Variants in OTX2 observed in about 807,000 individuals in gnomAD.
OTX2 encodes orthodenticle homeobox 2.
Under a neutral mutation model 29.0 loss-of-function variants are expected in OTX2, and 4 were observed. The ratio of observed to expected loss-of-function variants is 0.14; its 90% CI spans 0.07 to 0.32. The LOEUF is 0.32. Among genes scored for constraint, OTX2 ranks in the 10% least tolerant of loss-of-function variants. The pLI, the probability that OTX2 is intolerant of heterozygous loss-of-function variation, is 1.00. For synonymous variants in OTX2, 134 were observed against 141.0 expected (o/e 0.95, Z 0.35); for missense variants, 298 against 365.9 (o/e 0.81, Z 1.51).
rs1331775492 is a variant in OTX2, at chr14:56,801,364, A to G, written c.*371T>C. 3.1e-6 allele frequency: 1 copy of G among 318,036 alleles called. No individual in the cohort carries two copies. The highest frequency in any genetic ancestry group is 4.5e-5 in the Admixed American group (1 of 22,282). 19.7% of individuals were successfully genotyped at this position (318,036 alleles called of 1,614,324 possible). ...AAGATTCAACCAAGGATTGGCTAAA[A>G]CAATGGAACACCTCTGCTTAAGAAG... is the stretch of plus-strand genomic sequence containing the variant. On this transcript the variant is annotated 3_prime_UTR_variant, in exon 5 of 5. Transcript: ENST00000672264. This position sits in a 1 kb window ranked among gnomAD's most constrained non-coding sequence, Gnocchi z 4.2.
intron 2 of OTX2, among the ~76,000 whole-genome samples, chr14:56,806,185 C>T (rs1307538379): frequency 6.6e-6 from 1 of 152,172 alleles, no homozygotes; most frequent in African/African-American, 2.4e-5. Context: ...TACCAACTCA[C>T]TAAACCACAA....
rs1219049095 is a variant in OTX2 at position 56,801,744 on chromosome 14, C to A, written c.885G>T (p.Gln295His). ...GAGGTTCTACAGGTCTTCACAAAAC[C>A]TGGAATTTCCACGAGGATGTCTGAT... The part of the protein sequence containing the change: ...YKDQTSSWKF[Q>H]VL Residue 295 changes from glutamine to histidine, a missense_variant, in exon 5 of 5, where the codon CAG (glutamine) becomes CAT (histidine). Coordinates refer to ENST00000672264, the MANE Select transcript of OTX2 (RefSeq NM_021728.4). This position sits in a 1 kb window ranked among gnomAD's most constrained non-coding sequence, Gnocchi z 4.2. The A allele has an allele frequency of 1.2e-6, 2 of 1,613,992 alleles. No homozygotes were observed. The highest frequency in any genetic ancestry group is 2.2e-5 in the East Asian group (1 of 44,862).
At position 56,804,449 on chromosome 14, in the gene OTX2, C is replaced by G; in HGVS notation, c.98-86G>C. On this transcript the variant is annotated intron_variant, in intron 3 of 4. Transcript: ENST00000672264. The surrounding 1 kb of genome is among the most constrained non-coding windows in gnomAD (Gnocchi z 4.1). The stretch of plus-strand genomic sequence containing the variant: ...TGCCCTCCACCCCGCAGCAGTCCCC[C>G]GTTCCTCACAGCCCTTCAGCCGGGA... 7.8e-7 allele frequency: 1 copy of G among 1,289,532 alleles called. No homozygotes were observed. The highest frequency in any genetic ancestry group is 1.4e-5 in the South Asian group (1 of 69,664). 79.9% of individuals were successfully genotyped at this position (1,289,532 alleles called of 1,614,324 possible). A position where few individuals can be genotyped will look rare whatever the true frequency, so the allele number is the denominator to read the frequency against.
chr14:56,803,476 G>A (rs530160342), intron 4 of OTX2, among the ~76,000 whole-genome samples: 5 of 152,310 alleles, frequency 3.3e-5, no homozygotes, highest in South Asian at 2.1e-4. Flanking sequence ...TATTCTAGCC[G>A]AAGGAGAGGC....
rs889592710 is a variant in OTX2, at chr14:56,801,713, C to A, written c.*22G>T. On this transcript the variant is annotated 3_prime_UTR_variant, in exon 5 of 5. Coordinates refer to ENST00000672264, the MANE Select transcript of OTX2 (RefSeq NM_021728.4). The surrounding 1 kb of genome is among the most constrained non-coding windows in gnomAD (Gnocchi z 4.2). ...GCCCAGTATATTTAAAAATCACCCA[C>A]AAAAAGAGGTTCTACAGGTCTTCAC... 2.2e-5 allele frequency: 36 copies of A among 1,612,384 alleles called. No individual in the cohort carries two copies. Among genetic ancestry groups the A allele is most frequent in the Non-Finnish European group, 3.1e-5 (36 of 1,179,586 alleles).
At chr14:56,807,652 G>C (rs901172604) in intron 2 of OTX2, among the ~76,000 whole-genome samples, 11 of 152,132 alleles carry the variant, frequency 7.2e-5, no homozygotes, top group Admixed American at 6.6e-4. Flanking sequence ...TTTGCTCCTG[G>C]ATCCACCTTT....
chr14:56,804,369 G>A lies in OTX2; in HGVS notation c.98-6C>T, dbSNP rs887036569. 4 of 1,611,918 alleles carry A rather than the reference G, an allele frequency of 2.5e-6. No individual in the cohort carries two copies. The African/African-American group carries it at 5.3e-5, about 22-fold the overall frequency. On this transcript the variant is annotated splice_region_variant and splice_polypyrimidine_tract_variant and intron_variant, in intron 3 of 4. Transcript: ENST00000672264. This position sits in a 1 kb window ranked among gnomAD's most constrained non-coding sequence, Gnocchi z 4.1. Reference sequence around the variant, plus strand: ...GGGACAAGAAGCCCAGGGCCCTTTAGGGTGGGGGAGCAGTTTCTCAGTCAT... The same window carrying A: ...GGGACAAGAAGCCCAGGGCCCTTTAAGGTGGGGGAGCAGTTTCTCAGTCAT...
In OTX2 at chr14:56,800,185, A is replaced by C. The variant is rs890588497; in HGVS notation, c.*1550T>G. ...AACTACTGAAATTATAGGTTTTAAA[A>C]CTTTTCTGAAACTCTTTTGTTCAGG... is the stretch of plus-strand genomic sequence containing the variant. On this transcript the variant is annotated 3_prime_UTR_variant, in exon 5 of 5. Transcript: ENST00000672264. 2 of 152,062 alleles carry C rather than the reference A, an allele frequency of 1.3e-5. No homozygotes were observed. The highest frequency in any genetic ancestry group is 2.9e-5 in the Non-Finnish European group (2 of 68,012). 9.4% of individuals were successfully genotyped at this position (152,062 alleles called of 1,614,324 possible).
rs34997333 is a variant in OTX2, at chr14:56,800,283, T to TAA, written c.*1450_*1451dup. 1 of 150,582 alleles carries TAA rather than the reference T, an allele frequency of 6.6e-6. No homozygotes were observed. The highest frequency in any genetic ancestry group is 1.5e-5 in the Non-Finnish European group (1 of 67,658). The allele number at this position is 150,582 out of a possible 1,614,324, so 9.3% of individuals were successfully genotyped here. ...CATGTTTACCTCAGTTTTTGGAAGTTAAAAAAAAAAAATCCCCTTAATCAA... is the reference window on the plus strand; with the variant it reads ...CATGTTTACCTCAGTTTTTGGAAGTTAAAAAAAAAAAAAATCCCCTTAATCAA... On this transcript the variant is annotated 3_prime_UTR_variant, in exon 5 of 5. Transcript: ENST00000672264.
Position 56,801,683 on chromosome 14 carries a change from G to A in OTX2, c.*52C>T. On this transcript the variant is annotated 3_prime_UTR_variant, in exon 5 of 5. Transcript: ENST00000672264. This position sits in a 1 kb window ranked among gnomAD's most constrained non-coding sequence, Gnocchi z 4.2. ...ACCAATGCCTGGCTAAAACTGGAATGTCCAGCCCAGTATATTTAAAAATCA... is the reference window on the plus strand; with the variant it reads ...ACCAATGCCTGGCTAAAACTGGAATATCCAGCCCAGTATATTTAAAAATCA... 3.8e-6 allele frequency: 6 copies of A among 1,590,578 alleles called. No individual in the cohort carries two copies. The highest frequency in any genetic ancestry group is 5.2e-6 in the Non-Finnish European group (6 of 1,160,622).
At chr14:56,808,370 G>C (rs1892162050) in intron 2 of OTX2, among the ~76,000 whole-genome samples, 1 of 152,152 alleles carries the variant, frequency 6.6e-6, no homozygotes. Context: ...GGAAGACGAC[G>C]AAGAGGAGGA....
At position 56,800,090 on chromosome 14, in the gene OTX2, G is replaced by A. The variant is rs1258573939; in HGVS notation, c.*1645C>T. ...ACAAAATGCAGGTACAACTGAAAAG[G>A]GACCCATTTTTTCCCCCTCGGCACT... On this transcript the variant is annotated 3_prime_UTR_variant, in exon 5 of 5. Coordinates refer to ENST00000672264, the MANE Select transcript of OTX2 (RefSeq NM_021728.4). The A allele has an allele frequency of 6.6e-6, 1 of 152,040 alleles. No homozygotes were observed. The highest frequency in any genetic ancestry group is 1.5e-5 in the Non-Finnish European group (1 of 68,008). The allele number at this position is 152,040 out of a possible 1,614,324, so 9.4% of individuals were successfully genotyped here.
In OTX2 at chr14:56,800,841, G is replaced by A. The variant is rs1891849270; in HGVS notation, c.*894C>T. The A allele has an allele frequency of 6.6e-6, 1 of 152,574 alleles. No individual in the cohort carries two copies. The highest frequency in any genetic ancestry group is 2.4e-5 in the African/African-American group (1 of 41,418). 9.5% of individuals were successfully genotyped at this position (152,574 alleles called of 1,614,324 possible). ...GATCTCAGTTTAATAATTCATCAGG[G>A]TCAGAGCAATTGACCAATGTCTCTT... On this transcript the variant is annotated 3_prime_UTR_variant, in exon 5 of 5. Transcript: ENST00000672264.
Position 56,801,982 on chromosome 14 carries a change from A to G in OTX2, c.647T>C (p.Met216Thr). The G allele has an allele frequency of 1.2e-6, 2 of 1,614,172 alleles. No individual in the cohort carries two copies. The highest frequency in any genetic ancestry group is 1.1e-5 in the South Asian group (1 of 91,076). Reference protein sequence around the residue: ...GMDCGSYLTPMHHQLPGPGAT... With the variant: ...GMDCGSYLTPTHHQLPGPGAT... ...CCCTGGTCCGGGAAGCTGGTGATGC[A>G]TAGGGGTCAAATATGATCCACAGTC... Residue 216 changes from methionine (M) to threonine (T), a missense_variant, in exon 5 of 5, where the codon ATG (methionine) becomes ACG (threonine). By Grantham distance (81) the Met-to-Thr change is moderately conservative (BLOSUM62 -1). Transcript: ENST00000672264. The surrounding 1 kb of genome is among the most constrained non-coding windows in gnomAD (Gnocchi z 4.2).
Position 56,802,152 on chromosome 14 carries a change from G to T in OTX2, c.477C>A (p.Ile159=), listed in dbSNP as rs373798705. Reference sequence around the variant, plus strand: ...GTGGGGAGATGGAAGCTGGGCTCCAGATAGACACAGGAGCACTGCTGCTGG... The same window carrying T: ...GTGGGGAGATGGAAGCTGGGCTCCATATAGACACAGGAGCACTGCTGCTGG... The part of the protein sequence containing the change: ...TIASSSAPVS[I]WSPASISPLS... Residue 159 remains isoleucine (I), a synonymous_variant, in exon 5 of 5, where the codon ATC becomes ATA. Coordinates refer to ENST00000672264, the MANE Select transcript of OTX2 (RefSeq NM_021728.4). This position sits in a 1 kb window ranked among gnomAD's most constrained non-coding sequence, Gnocchi z 4.4. The T allele has an allele frequency of 1.4e-5, 22 of 1,614,018 alleles. No individual in the cohort carries two copies. The African/African-American group carries it at 2.5e-4, about 19-fold the overall frequency.
rs1892028238 is a variant in OTX2, at chr14:56,804,963, A to G, written c.97+397T>C. On this transcript the variant is annotated intron_variant, in intron 3 of 4. Coordinates refer to ENST00000672264, the MANE Select transcript of OTX2 (RefSeq NM_021728.4). The surrounding 1 kb of genome is among the most constrained non-coding windows in gnomAD (Gnocchi z 4.1). ...ACAACTGCGAAGCCCGAGAGTGCTAAGGACTTACGGAGGGAAAACTCAGCT... is the reference window on the plus strand; with the variant it reads ...ACAACTGCGAAGCCCGAGAGTGCTAGGGACTTACGGAGGGAAAACTCAGCT... Among the ~76,000 whole-genome samples the G allele has an allele frequency of 6.6e-6, 1 of 152,188 alleles. No homozygotes were observed. Among genetic ancestry groups the G allele is most frequent in the Non-Finnish European group, 1.5e-5 (1 of 68,044 alleles).
chr14:56,806,061 A>T (rs1892080952), intron 2 of OTX2, among the ~76,000 whole-genome samples: 1 of 152,166 alleles, frequency 6.6e-6, no homozygotes, highest in Admixed American at 6.5e-5. Context: ...CAATTCAAGA[A>T]ATCTACCTCT....
Position 56,802,028 on chromosome 14 carries a change from T to A in OTX2, c.601A>T (p.Thr201Ser), listed in dbSNP as rs748910557. The A allele has an allele frequency of 6.2e-7, 1 of 1,614,126 alleles. No homozygotes were observed. Among genetic ancestry groups the A allele is most frequent in the East Asian group, 2.2e-5 (1 of 44,876 alleles). ...SGYSQGYAGS[T>S]SYFGGMDCGS... is the part of the protein sequence containing the mutation. ...CAGTCCATGCCCCCAAAGTAGGAAGTTGAGCCAGCATATCCTTGACTATAA... is the reference window on the plus strand; with the variant it reads ...CAGTCCATGCCCCCAAAGTAGGAAGATGAGCCAGCATATCCTTGACTATAA... Residue 201 changes from threonine (T) to serine (S), a missense_variant, in exon 5 of 5, where the codon ACT becomes TCT. Thr to Ser is a moderately conservative substitution (Grantham distance 58). Transcript: ENST00000672264. This position sits in a 1 kb window ranked among gnomAD's most constrained non-coding sequence, Gnocchi z 4.4.
At chr14:56,808,888 G>A (rs1362472438) in intron 2 of OTX2, among the ~76,000 whole-genome samples, 1 of 152,228 alleles carries the variant, frequency 6.6e-6, no homozygotes, top group Non-Finnish European at 1.5e-5. Context: ...TCCCGAAATC[G>A]GGCATCGATT....
Sources: allele counts gnomAD v4.1 joint callset (sites outside exome capture counted in the v4.1 genomes callset), GRCh38; gene constraint gnomAD v4.1.1; non-coding constraint Gnocchi (gnomAD v3.1); transcripts MANE v1.5; gene names NCBI Gene and HGNC (gene_info 2026-07-23, HGNC 2026-07-21).